Variants in JARID2 observed in about 807,000 individuals in gnomAD.
JARID2 encodes jumonji and AT-rich interaction domain containing 2.
In JARID2, 21 loss-of-function variants were observed where a neutral mutation model predicts 125.6. The ratio of observed to expected loss-of-function variants is 0.17; its 90% confidence interval spans 0.12 to 0.24. The LOEUF (loss-of-function observed/expected upper bound fraction) is 0.24. Ranked by LOEUF, JARID2 falls within the 10% of genes least tolerant of loss-of-function variation. The probability of loss-of-function intolerance (pLI) is 1.00; values close to 1 mark genes in which losing one functional copy is unlikely to be tolerated. For synonymous variants in JARID2, 736 were observed against 661.6 expected, an observed-to-expected ratio of 1.11 and a Z score of -1.73; for missense variants, 1,303 against 1,639.6, an observed-to-expected ratio of 0.79 and a Z score of 3.55.
intron 1 of JARID2, among the ~76,000 whole-genome samples, chr6:15,286,901 A>AT (rs1480990342): frequency 1.3e-5 from 2 of 151,146 alleles, no homozygotes; most frequent in South Asian, 4.2e-4. Context: ...GGTAATAGGA[A>AT]TAACAGCCAT....
chr6:15,424,743 C>T (rs1766649368), intron 3 of JARID2, among the ~76,000 whole-genome samples: 1 of 152,140 alleles, frequency 6.6e-6, no homozygotes, highest in Non-Finnish European at 1.5e-5. Context: ...CTTGTAATCC[C>T]AGCTACTCAG....
chr6:15,431,417 CA>C (rs1020965431), intron 3 of JARID2, among the ~76,000 whole-genome samples: 1 of 152,034 alleles, frequency 6.6e-6, no homozygotes, highest in African/African-American at 2.4e-5. Flanking sequence ...TGTTTGAGGC[CA>C]AGGAGAGGAG....
chr6:15,454,778 C>T (rs538843666), intron 4 of JARID2, among the ~76,000 whole-genome samples: 1 of 152,206 alleles, frequency 6.6e-6, no homozygotes, highest in African/African-American at 2.4e-5. Context: ...GCCAACATGC[C>T]TTAGTTTTTA....
At chr6:15,516,222 C>T (rs149813986) in intron 16 of JARID2, among the ~76,000 whole-genome samples, 81 of 152,284 alleles carry the variant, frequency 5.3e-4, no homozygotes, top group Middle Eastern at 3.4e-3. Flanking sequence ...TTAGAAACAC[C>T]GCAGACGAAA....
intron 1 of JARID2, among the ~76,000 whole-genome samples, chr6:15,373,729 A>C (rs1764252809): frequency 6.6e-6 from 1 of 152,248 alleles, no homozygotes; most frequent in African/African-American, 2.4e-5. Flanking sequence ...TGCAGTGTAC[A>C]TTCTGGCATT....
intron 4 of JARID2, 38 bp from the exon 5 acceptor site, chr6:15,468,504 A>T (rs1466746152): frequency 1.3e-6 from 2 of 1,580,162 alleles, no homozygotes; most frequent in South Asian, 1.2e-5. Context: ...GTGAGGGTCA[A>T]GGCCTGTGTT....
At chr6:15,480,752 C>G (rs1269255019) in intron 5 of JARID2, among the ~76,000 whole-genome samples, 1 of 152,190 alleles carries the variant, frequency 6.6e-6, no homozygotes, top group Non-Finnish European at 1.5e-5. Context: ...TAAGAGGAAG[C>G]AGCCAGCTGG....
Position 15,520,147 on chromosome 6 carries a change from A to C in JARID2, c.3637A>C (p.Lys1213Gln). Residue 1213 changes from lysine (K) to glutamine (Q), a missense_variant, in exon 18 of 18, where the codon AAA becomes CAA. Transcript: ENST00000341776. ...CGGCAGCATTGAGAACTGTCTCAGT[A>C]AACCCACACCAAAAAGAGGTCCCCG... ...KNGSIENCLSKPTPKRGPRKR... is the reference protein window; with the variant it reads ...KNGSIENCLSQPTPKRGPRKR... The C allele has an allele frequency of 6.2e-7, 1 of 1,614,066 alleles. No individual in the cohort carries two copies. The highest frequency in any genetic ancestry group is 8.5e-7 in the Non-Finnish European group (1 of 1,179,980).
chr6:15,366,841 T>TG (rs897666131), intron 1 of JARID2, among the ~76,000 whole-genome samples: 5 of 152,134 alleles, frequency 3.3e-5, no homozygotes, highest in South Asian at 2.1e-4. Context: ...AAAACATTGG[T>TG]GGGGGGTCTG....
intron 12 of JARID2, among the ~76,000 whole-genome samples, chr6:15,508,761 T>C (rs891180623): frequency 6.6e-6 from 1 of 152,236 alleles, no homozygotes; most frequent in African/African-American, 2.4e-5. Flanking sequence ...CCTACTTACG[T>C]CTGTTTTTGT....
At chr6:15,365,916 C>T (rs890901510) in intron 1 of JARID2, among the ~76,000 whole-genome samples, 11 of 146,786 alleles carry the variant, frequency 7.5e-5, no homozygotes, top group African/African-American at 2.5e-4. Flanking sequence ...TGACAGACTA[C>T]TTTTTTTTTT....
intron 4 of JARID2, among the ~76,000 whole-genome samples, chr6:15,460,707 G>GT (rs1554139680): frequency 7.4e-6 from 1 of 134,822 alleles, no homozygotes; most frequent in Non-Finnish European, 1.6e-5. Context: ...TGTTGTTGTT[G>GT]TTTTGTTTTT....
chr6:15,445,571 G>A (rs1767637616), intron 3 of JARID2, among the ~76,000 whole-genome samples: 1 of 152,198 alleles, frequency 6.6e-6, no homozygotes, highest in Non-Finnish European at 1.5e-5. Flanking sequence ...CCCCCTTCGA[G>A]CTCATGCAGC....
intron 1 of JARID2, among the ~76,000 whole-genome samples, chr6:15,313,631 C>A (rs1762087879): frequency 6.6e-6 from 1 of 152,146 alleles, no homozygotes; most frequent in South Asian, 2.1e-4. Flanking sequence ...CGTACAGATT[C>A]AGAAATGGTG....
chr6:15,378,717 A>T (rs1266654659), intron 2 of JARID2, among the ~76,000 whole-genome samples: 1 of 152,186 alleles, frequency 6.6e-6, no homozygotes, highest in African/African-American at 2.4e-5. Flanking sequence ...TGAAAAGAAG[A>T]TGTTTTGTTT....
At chr6:15,319,767 T>G (rs6941561) in intron 1 of JARID2, among the ~76,000 whole-genome samples, 3,681 of 152,298 alleles carry the variant, frequency 0.024, 166 homozygotes, top group African/African-American at 0.083. Context: ...AGGATGGCCC[T>G]TTAACTTTAT....
At chr6:15,300,273 G>C (rs1761558196) in intron 1 of JARID2, among the ~76,000 whole-genome samples, 1 of 152,148 alleles carries the variant, frequency 6.6e-6, no homozygotes, top group African/African-American at 2.4e-5. Context: ...AACCTCTAAG[G>C]CTAATGAGCA....
At chr6:15,497,582 C>T (rs1359259403) in intron 7 of JARID2, among the ~76,000 whole-genome samples, 5 of 146,374 alleles carry the variant, frequency 3.4e-5, no homozygotes, top group South Asian at 2.2e-4. Flanking sequence ...ACCCAGGAGG[C>T]GGAGCTTGCA....
At chr6:15,250,096 C>T (rs574350627) in intron 1 of JARID2, among the ~76,000 whole-genome samples, 75 of 152,240 alleles carry the variant, frequency 4.9e-4, no homozygotes, top group Admixed American at 1.5e-3. Context: ...CTGTAGTTAG[C>T]ATGAAAACAA....
Sources: allele counts gnomAD v4.1 joint callset (sites outside exome capture counted in the v4.1 genomes callset), GRCh38; gene constraint gnomAD v4.1.1; transcripts MANE v1.5; gene names NCBI Gene and HGNC (gene_info 2026-07-23, HGNC 2026-07-21).